The following DAPK1 variants were observed in gnomAD, a reference collection of about 807,000 sequenced individuals.
DAPK1 encodes death-associated protein kinase 1.
In DAPK1, 56 loss-of-function variants were observed where a neutral mutation model predicts 144.9. The ratio of observed to expected loss-of-function variants is 0.39; its 90% CI spans 0.31 to 0.48. The LOEUF (loss-of-function observed/expected upper bound fraction) is 0.48, where lower values mean the gene tolerates loss of function less well. Ranked by LOEUF, DAPK1 falls within the 20% of genes least tolerant of loss-of-function variation. DAPK1 has a pLI of 0.95. For missense variants in DAPK1, 1,454 were observed against 1,875.4 expected (o/e 0.78, Z 4.15); for synonymous variants, 690 against 749.0 (o/e 0.92, Z 1.29).
chr9:87,516,394 C>T (rs1277800729), intron 2 of DAPK1, among the ~76,000 whole-genome samples: 2 of 152,162 alleles, frequency 1.3e-5, no homozygotes, highest in Admixed American at 1.3e-4. Context: ...GAGTTTCTGC[C>T]TTGCCTTTCC....
intron 2 of DAPK1, among the ~76,000 whole-genome samples, chr9:87,501,766 A>G (rs1824411349): frequency 6.6e-6 from 1 of 152,170 alleles, no homozygotes; most frequent in Admixed American, 6.5e-5. Flanking sequence ...AGACTTCTGT[A>G]AAAGCTCTCT....
chr9:87,694,985 C>T (rs1388270992), intron 21 of DAPK1, among the ~76,000 whole-genome samples: 2 of 152,208 alleles, frequency 1.3e-5, no homozygotes, highest in African/African-American at 4.8e-5. Flanking sequence ...GGTCCCCCTG[C>T]ACCAGGGGCA....
chr9:87,680,759 T>C (rs1198823066), intron 19 of DAPK1, among the ~76,000 whole-genome samples: 8 of 152,026 alleles, frequency 5.3e-5, no homozygotes, highest in African/African-American at 1.7e-4. Context: ...AGAAAACATC[T>C]CTATGGTTGC....
chr9:87,500,428 C>G (rs2117979741), intron 2 of DAPK1, among the ~76,000 whole-genome samples: 1 of 152,224 alleles, frequency 6.6e-6, no homozygotes, highest in Middle Eastern at 3.4e-3. Context: ...AATTAAATAA[C>G]TTTACTGTGG....
rs142613389 is a variant in DAPK1, at chr9:87,636,581, G to T, written c.285-1362G>T. Among the ~76,000 whole-genome samples, 519 of 152,276 alleles carry T rather than the reference G, an allele frequency of 3.4e-3. 4 individuals carry two copies. The highest frequency in any genetic ancestry group is 0.012 in the African/African-American group (486 of 41,542). ...ACCCATGGACTCTAGACCGTGCTAA[G>T]GAAAACACTGACCTGGAGGGTGAAG... On this transcript the variant is annotated intron_variant, in intron 3 of 25. Coordinates refer to ENST00000408954, the MANE Select transcript of DAPK1 (RefSeq NM_004938.4).
intron 2 of DAPK1, among the ~76,000 whole-genome samples, chr9:87,534,473 A>C (rs1423968324): frequency 6.6e-6 from 1 of 152,128 alleles, no homozygotes; most frequent in Admixed American, 6.6e-5. Context: ...AGTTATTAGT[A>C]GGATGCCTTA....
chr9:87,608,192 G>A (rs573469565), intron 3 of DAPK1, among the ~76,000 whole-genome samples: 5 of 152,278 alleles, frequency 3.3e-5, no homozygotes, highest in Middle Eastern at 6.8e-3. Flanking sequence ...ATGGAGGCAC[G>A]GAGCCAAACC....
chr9:87,611,852 C>CT (rs1258028286), intron 3 of DAPK1, among the ~76,000 whole-genome samples: 1 of 152,182 alleles, frequency 6.6e-6, no homozygotes, highest in Non-Finnish European at 1.5e-5. Flanking sequence ...CTGGGTTCAT[C>CT]TTTTGAGAGG....
intron 2 of DAPK1, among the ~76,000 whole-genome samples, chr9:87,514,681 C>T (rs1464632108): frequency 2.0e-5 from 3 of 152,062 alleles, no homozygotes; most frequent in African/African-American, 4.8e-5. Context: ...AAGCCCGACA[C>T]GATTAAATGT....
intron 2 of DAPK1, among the ~76,000 whole-genome samples, chr9:87,523,395 T>C (rs10780850): frequency 0.87 from 131,600 of 151,992 alleles, 57,037 homozygotes; most frequent in East Asian, 0.94. Context: ...CTCCTGGGCT[T>C]AAAAGATCTT....
intron 21 of DAPK1, among the ~76,000 whole-genome samples, chr9:87,692,952 CTTTTTTTTTT>C (rs61324273): frequency 1.8e-3 from 48 of 26,350 alleles, no homozygotes; most frequent in Admixed American, 3.2e-3. Context: ...AGTGACTAGA[CTTTTTTTTTT>C]TTTTTTTTTT....
chr9:87,559,776 G>A (rs548540107), intron 2 of DAPK1, among the ~76,000 whole-genome samples: 19 of 152,218 alleles, frequency 1.2e-4, no homozygotes, highest in South Asian at 6.2e-4. Context: ...CAATAGTCCC[G>A]GGTGTTGGAA....
chr9:87,537,190 G>T (rs1253307519), intron 2 of DAPK1, among the ~76,000 whole-genome samples: 1 of 152,100 alleles, frequency 6.6e-6, no homozygotes, highest in Admixed American at 6.5e-5. Flanking sequence ...GTTTCACTAT[G>T]TTGGCCAGGC....
chr9:87,498,289 G>T (rs1273286660), intron 1 of DAPK1, among the ~76,000 whole-genome samples, 182 bp downstream of exon 1: 1 of 152,206 alleles, frequency 6.6e-6, no homozygotes, highest in Non-Finnish European at 1.5e-5. Flanking sequence ...CCAGCCCCGC[G>T]GGCCGGGTGA....
At chr9:87,546,743 C>G (rs1057046101) in intron 2 of DAPK1, among the ~76,000 whole-genome samples, 2 of 152,206 alleles carry the variant, frequency 1.3e-5, no homozygotes, top group Admixed American at 6.5e-5. Flanking sequence ...ATTCCGTTCT[C>G]CCTCCTTTCC....
At chr9:87,526,849 T>C (rs1587688615) in intron 2 of DAPK1, among the ~76,000 whole-genome samples, 2 of 152,300 alleles carry the variant, frequency 1.3e-5, no homozygotes, top group African/African-American at 2.4e-5. Context: ...TTCTTTGATG[T>C]TGATGCCAAT....
At chr9:87,574,831 G>A (rs10117621) in intron 2 of DAPK1, among the ~76,000 whole-genome samples, 17,921 of 152,170 alleles carry the variant, frequency 0.12, 1,297 homozygotes, top group East Asian at 0.33. Context: ...TGAGGCAGGA[G>A]AATCGCTTGA....
chr9:87,619,503 G>A (rs1436328618), intron 3 of DAPK1, among the ~76,000 whole-genome samples: 1 of 152,154 alleles, frequency 6.6e-6, no homozygotes, highest in Non-Finnish European at 1.5e-5. Flanking sequence ...AAGGACAGTG[G>A]GGTGAAGAGA....
chr9:87,670,134 A>G (rs1214730317), intron 19 of DAPK1, among the ~76,000 whole-genome samples: 1 of 152,118 alleles, frequency 6.6e-6, no homozygotes, highest in Admixed American at 6.5e-5. Context: ...ATGCCAGCGA[A>G]TTTGGACTAG....
Sources: gnomAD v4.1 joint callset for allele counts (sites outside exome capture counted in the v4.1 genomes callset) on GRCh38, gnomAD v4.1.1 for gene constraint, MANE v1.5 for transcripts, NCBI Gene and HGNC (gene_info 2026-07-23, HGNC 2026-07-21) for gene names.